CXCL12: variants seen among roughly 807,000 people sequenced by gnomAD.
CXCL12 encodes stromal cell-derived factor 1.
CXCL12 carries 4 observed loss-of-function variants against 10.7 expected under a neutral mutation model. The ratio of observed to expected loss-of-function variants is 0.37; its 90% confidence interval spans 0.18 to 0.86. The LOEUF (loss-of-function observed/expected upper bound fraction) is 0.86, where lower values mean the gene tolerates loss of function less well. CXCL12 is among the 40% of genes least tolerant of loss of function. CXCL12 has a pLI of 0.43. For synonymous variants in CXCL12, 54 were observed against 45.4 expected, an observed-to-expected ratio of 1.19 and a Z score of -0.77; for missense variants, 122 against 110.4, an observed-to-expected ratio of 1.10 and a Z score of -0.47.
At chr10:44,382,284 C>A (rs1839655256) in intron 1 of CXCL12, among the ~76,000 whole-genome samples, 1 of 152,228 alleles carries the variant, frequency 6.6e-6, no homozygotes, top group South Asian at 2.1e-4. Flanking sequence ...TGGGACCCTG[C>A]AGGGGAAGTC....
downstream of CXCL12, among the ~76,000 whole-genome samples, chr10:44,375,144 T>C (rs1456313047): frequency 6.6e-6 from 1 of 152,166 alleles, no homozygotes; most frequent in African/African-American, 2.4e-5. Flanking sequence ...CCATAGCACA[T>C]CTGTCCTCCA....
At chr10:44,372,791 T>A (rs1026461439), downstream of CXCL12, 6 of 1,459,828 alleles carry the variant, frequency 4.1e-6, no homozygotes, top group Non-Finnish European at 5.4e-6. Context: ...CCTGCTGCCC[T>A]CCCAGAAGAG....
chr10:44,378,442 G>A lies in CXCL12; in HGVS notation c.*191C>T, dbSNP rs936999408. ...TGAATATAAGCTGCAATATCATACC[G>A]TATGCTATAAATGCAGGGTCTAAAT... On this transcript the variant is annotated 3_prime_UTR_variant, in exon 3 of 3. Coordinates refer to ENST00000343575, the MANE Select transcript of CXCL12 (RefSeq NM_199168.4). 18 of 1,541,166 alleles carry A rather than the reference G, an allele frequency of 1.2e-5. No homozygotes were observed. The highest frequency in any genetic ancestry group is 2.4e-5 in the East Asian group (1 of 42,056).
exon 4 of CXCL12, chr10:44,370,231 T>G (rs1450845440): frequency 1.3e-5 from 2 of 152,334 alleles, no homozygotes; most frequent in African/African-American, 4.8e-5. Flanking sequence ...TTGGTATGAC[T>G]TCAAAGTAGA....
chr10:44,383,486 A>G (rs1339478680), intron 1 of CXCL12, among the ~76,000 whole-genome samples: 1 of 151,850 alleles, frequency 6.6e-6, no homozygotes, highest in Non-Finnish European at 1.5e-5. Context: ...CATTTCCCAG[A>G]GCGGCGCACT....
rs1839515261 is a variant in CXCL12, at chr10:44,378,165, A to G, written c.*468T>C. On this transcript the variant is annotated 3_prime_UTR_variant, in exon 3 of 3. Coordinates refer to ENST00000343575, the MANE Select transcript of CXCL12 (RefSeq NM_199168.4). The stretch of plus-strand genomic sequence containing the variant: ...GAGCCTCAGTGTCTGAAGAAAGGAC[A>G]CTTTTTCCAGCTCCCTGTTAAGCCA... The G allele has an allele frequency of 1.4e-6, 2 of 1,420,768 alleles. No individual in the cohort carries two copies. Among genetic ancestry groups the G allele is most frequent in the East Asian group, 2.8e-5 (1 of 36,212 alleles). The allele number at this position is 1,420,768 out of a possible 1,614,324, so 88.0% of individuals were successfully genotyped here.
chr10:44,373,408 A>C (rs266091), downstream of CXCL12: 1,239,636 of 1,449,630 alleles, frequency 0.86, 530,960 homozygotes, highest in Admixed American at 0.92. Flanking sequence ...CCAGCTCCAG[A>C]AGGACAGCGG....
intron 2 of CXCL12, chr10:44,380,339 G>A (rs915971208): frequency 1.2e-5 from 2 of 169,226 alleles, no homozygotes; most frequent in African/African-American, 4.7e-5. Context: ...TGGTTAAAGA[G>A]GACTTAAACT....
At chr10:44,376,359 G>C (rs1204834349), downstream of CXCL12, among the ~76,000 whole-genome samples, 1 of 152,186 alleles carries the variant, frequency 6.6e-6, no homozygotes, top group Non-Finnish European at 1.5e-5. Context: ...TGGCCATCGT[G>C]GTCCTTGTCA....
chr10:44,383,372 A>G (rs1839691777), intron 1 of CXCL12, among the ~76,000 whole-genome samples: 1 of 151,878 alleles, frequency 6.6e-6, no homozygotes, highest in Non-Finnish European at 1.5e-5. Flanking sequence ...TCTGGGATGA[A>G]CCCCACGTCT....
At chr10:44,375,972 C>T (rs1454629475), downstream of CXCL12, 1 of 1,613,578 alleles carries the variant, frequency 6.2e-7, no homozygotes, top group East Asian at 2.2e-5. Flanking sequence ...CCTTTCTCTT[C>T]TTCTGTCGCT....
downstream of CXCL12, chr10:44,371,322 T>C (rs1839306821): frequency 2.1e-6 from 1 of 466,518 alleles, no homozygotes; most frequent in Non-Finnish European, 4.2e-6. Context: ...CAACCAAGAA[T>C]TCAATGGTCT....
Position 44,378,343 on chromosome 10 carries a change from G to A in CXCL12, c.*290C>T, listed in dbSNP as rs768838324. 4 of 1,497,970 alleles carry A rather than the reference G, an allele frequency of 2.7e-6. No individual in the cohort carries two copies. Among genetic ancestry groups the A allele is most frequent in the African/African-American group, 1.4e-5 (1 of 72,876 alleles). 92.8% of individuals were successfully genotyped at this position (1,497,970 alleles called of 1,614,324 possible). ...AAGGAACTAACTGCTTGAAAATGCT[G>A]TTGATAATACAATTTCTTTCTTAGA... is the stretch of plus-strand genomic sequence containing the variant. On this transcript the variant is annotated 3_prime_UTR_variant, in exon 3 of 3. Coordinates refer to ENST00000343575, the MANE Select transcript of CXCL12 (RefSeq NM_199168.4).
At chr10:44,373,191 T>C (rs17883369), downstream of CXCL12, 3,859 of 1,540,900 alleles carry the variant, frequency 2.5e-3, 80 homozygotes, top group African/African-American at 0.047. Context: ...GGTGAAAATA[T>C]GGCAAAGTGT....
chr10:44,380,634 A>C (rs1251362774), intron 2 of CXCL12, 129 bp downstream of exon 2: 1 of 805,486 alleles, frequency 1.2e-6, no homozygotes, highest in African/African-American at 1.7e-5. Context: ...GCTGCCACTA[A>C]TTATGCCAAG....
intron 1 of CXCL12, among the ~76,000 whole-genome samples, chr10:44,384,613 G>A (rs1043247775): frequency 6.6e-6 from 1 of 152,244 alleles, no homozygotes; most frequent in African/African-American, 2.4e-5. Context: ...TGGGCAGGCA[G>A]GGGTCTGGGG....
At chr10:44,374,350 G>A (rs1171454383), downstream of CXCL12, 7 of 427,812 alleles carry the variant, frequency 1.6e-5, no homozygotes, top group African/African-American at 4.1e-5. Flanking sequence ...TTGCCCTCTC[G>A]GGGCGCTTTT....
At chr10:44,379,057 G>A (rs1421974224) in intron 2 of CXCL12, among the ~76,000 whole-genome samples, 7 of 152,236 alleles carry the variant, frequency 4.6e-5, no homozygotes, top group Admixed American at 2.0e-4. Flanking sequence ...GAGCAAATAC[G>A]CCAGGGGGGT....
At chr10:44,375,871 G>A (rs1839435262), downstream of CXCL12, 2 of 1,604,542 alleles carry the variant, frequency 1.2e-6, no homozygotes, top group East Asian at 4.5e-5. Flanking sequence ...TGTCCTGGAG[G>A]AGGATCGAGC....
Sources: gnomAD v4.1 joint callset for allele counts (sites outside exome capture counted in the v4.1 genomes callset) on GRCh38, gnomAD v4.1.1 for gene constraint, MANE v1.5 for transcripts, NCBI Gene and HGNC (gene_info 2026-07-23, HGNC 2026-07-21) for gene names.